Variants in GALNT13 observed in about 807,000 individuals in gnomAD.
GALNT13 encodes the protein polypeptide N-acetylgalactosaminyltransferase 13.
Under a neutral mutation model 64.2 loss-of-function variants are expected in GALNT13, and 28 were observed. The ratio of observed to expected loss-of-function variants is 0.44; its 90% CI spans 0.32 to 0.60. The LOEUF is 0.60. GALNT13 is among the 20% of genes least tolerant of loss of function. The pLI is 0.05. For missense variants in GALNT13, 577 were observed against 669.8 expected, an observed-to-expected ratio of 0.86 and a Z score of 1.53; for synonymous variants, 214 against 224.6, an observed-to-expected ratio of 0.95 and a Z score of 0.42.
the GALNT13 span, among the ~76,000 whole-genome samples, chr2:153,359,508 C>T: frequency 6.6e-6 from 1 of 150,986 alleles, no homozygotes. Context: ...CTTTTAAAAT[C>T]CATTGGATGC....
chr2:153,100,055 A>G, the GALNT13 span, among the ~76,000 whole-genome samples: 9 of 152,364 alleles, frequency 5.9e-5, no homozygotes, highest in East Asian at 1.5e-3. Context: ...TGCAAACATA[A>G]TTAACAATGT....
the GALNT13 span, among the ~76,000 whole-genome samples, chr2:153,104,467 G>T: frequency 6.6e-6 from 1 of 152,178 alleles, no homozygotes; most frequent in South Asian, 2.1e-4. Context: ...ATACCCTCCT[G>T]ACAAAAAACA....
the GALNT13 span, among the ~76,000 whole-genome samples, chr2:153,342,357 T>C: frequency 6.6e-6 from 1 of 152,180 alleles, no homozygotes; most frequent in East Asian, 1.9e-4. Flanking sequence ...ATTATAATTA[T>C]GTTGAGCCTG....
At chr2:154,289,695 C>G (rs1692488260) in intron 8 of GALNT13, among the ~76,000 whole-genome samples, 1 of 152,146 alleles carries the variant, frequency 6.6e-6, no homozygotes, top group Admixed American at 6.5e-5. Context: ...CATATCAATC[C>G]CCAAGAAATT....
At chr2:153,545,108 A>G in the GALNT13 span, among the ~76,000 whole-genome samples, 36 of 148,312 alleles carry the variant, frequency 2.4e-4, 1 homozygote, top group African/African-American at 4.0e-4. Context: ...AAAGACTCAG[A>G]AAAAAAAAAG....
At chr2:153,238,284 T>C in the GALNT13 span, among the ~76,000 whole-genome samples, 1 of 152,152 alleles carries the variant, frequency 6.6e-6, no homozygotes, top group South Asian at 2.1e-4. Flanking sequence ...TGTGGGTGGT[T>C]CTCTTCACTT....
intron 2 of GALNT13, among the ~76,000 whole-genome samples, chr2:153,936,868 G>C (rs2105368662): frequency 6.6e-6 from 1 of 152,064 alleles, no homozygotes; most frequent in Middle Eastern, 3.4e-3. Flanking sequence ...CTACAGGCGT[G>C]TGCCACCATG....
chr2:153,974,088 T>C (rs563775898), intron 3 of GALNT13, among the ~76,000 whole-genome samples: 1 of 152,196 alleles, frequency 6.6e-6, no homozygotes, highest in East Asian at 1.9e-4. Flanking sequence ...TTGATGTTCT[T>C]CCCCTACCAA....
intron 9 of GALNT13, among the ~76,000 whole-genome samples, chr2:154,304,382 G>T (rs1363696172): frequency 1.3e-5 from 2 of 152,058 alleles, no homozygotes; most frequent in Non-Finnish European, 2.9e-5. Context: ...GATACTTTTT[G>T]AATTCAAATC....
At chr2:154,215,542 A>G (rs1194654614) in intron 4 of GALNT13, among the ~76,000 whole-genome samples, 1 of 152,128 alleles carries the variant, frequency 6.6e-6, no homozygotes, top group Non-Finnish European at 1.5e-5. Context: ...GCTCTGCCTG[A>G]AATGTCTTTC....
At chr2:154,084,779 A>C (rs1701445047) in intron 3 of GALNT13, among the ~76,000 whole-genome samples, 1 of 151,940 alleles carries the variant, frequency 6.6e-6, no homozygotes, top group South Asian at 2.1e-4. Flanking sequence ...TGCTCAACAT[A>C]GGCCAATCCT....
chr2:154,210,985 C>T (rs1344267369), intron 4 of GALNT13, among the ~76,000 whole-genome samples: 2 of 152,014 alleles, frequency 1.3e-5, no homozygotes, highest in East Asian at 1.9e-4. Context: ...CGAAGAGAGG[C>T]AGGATTGGTA....
intron 9 of GALNT13, among the ~76,000 whole-genome samples, chr2:154,325,989 T>G (rs1193928716): frequency 6.6e-6 from 1 of 152,052 alleles, no homozygotes; most frequent in Non-Finnish European, 1.5e-5. Flanking sequence ...TTCTACATGC[T>G]CTAAATTTGG....
intron 2 of GALNT13, among the ~76,000 whole-genome samples, chr2:153,903,771 T>C (rs1688386356): frequency 6.6e-6 from 1 of 152,018 alleles, no homozygotes; most frequent in Non-Finnish European, 1.5e-5. Flanking sequence ...ATTATTACTC[T>C]TTTAAGCTTT....
At chr2:154,096,240 CATT>C (rs1702066944) in intron 3 of GALNT13, among the ~76,000 whole-genome samples, 1 of 151,954 alleles carries the variant, frequency 6.6e-6, no homozygotes, top group Non-Finnish European at 1.5e-5. Flanking sequence ...TCACCAACTC[CATT>C]ACTGGTATTT....
At chr2:153,249,825 C>T in the GALNT13 span, among the ~76,000 whole-genome samples, 15 of 152,114 alleles carry the variant, frequency 9.9e-5, no homozygotes, top group Non-Finnish European at 1.9e-4. Flanking sequence ...GCTAGCCATA[C>T]GCAGAAAACA....
the GALNT13 span, among the ~76,000 whole-genome samples, chr2:153,480,799 T>C: frequency 6.6e-6 from 1 of 152,164 alleles, no homozygotes; most frequent in Non-Finnish European, 1.5e-5. Context: ...TGTACAGAAC[T>C]GTGTGTTCAG....
At chr2:153,672,509 A>G in the GALNT13 span, among the ~76,000 whole-genome samples, 1 of 152,240 alleles carries the variant, frequency 6.6e-6, no homozygotes, top group Admixed American at 6.5e-5. Flanking sequence ...ACCAATGAGA[A>G]CAAAGGCACA....
chr2:153,635,393 A>AATATGTATATATATATATACACATAT, the GALNT13 span, among the ~76,000 whole-genome samples: 1 of 50,764 alleles, frequency 2.0e-5, no homozygotes, highest in South Asian at 8.1e-4. Flanking sequence ...TAGTACAGTA[A>AATATGTATATATATATATACACATAT]ATATGTATAT....
Sources: gnomAD v4.1 joint callset for allele counts (sites outside exome capture counted in the v4.1 genomes callset) on GRCh38, gnomAD v4.1.1 for gene constraint, MANE v1.5 for transcripts, NCBI Gene and HGNC (gene_info 2026-07-23, HGNC 2026-07-21) for gene names.